TEAD1: variants seen among roughly 807,000 people sequenced by gnomAD.
TEAD1 encodes the protein TEA domain transcription factor 1.
TEAD1 carries 9 observed loss-of-function variants against 54.9 expected under a neutral mutation model. The observed-to-expected ratio is 0.16, with a 90% confidence interval of 0.10 to 0.29. The LOEUF is 0.29. Among genes scored for constraint, TEAD1 ranks in the 10% least tolerant of loss-of-function variants. The pLI, the probability that TEAD1 is intolerant of heterozygous loss-of-function variation, is 1.00. For missense variants in TEAD1, 387 were observed against 535.9 expected (o/e 0.72, Z 2.74); for synonymous variants, 200 against 187.8 (o/e 1.07, Z -0.53).
intron 3 of TEAD1, among the ~76,000 whole-genome samples, chr11:12,805,336 A>T (rs1276274477): frequency 6.6e-6 from 1 of 152,160 alleles, no homozygotes; most frequent in African/African-American, 2.4e-5. Flanking sequence ...GAGATGTTAG[A>T]ACATTTGTAA....
chr11:12,906,783 T>C (rs903791732), intron 10 of TEAD1, among the ~76,000 whole-genome samples: 1 of 152,158 alleles, frequency 6.6e-6, no homozygotes, highest in Admixed American at 6.5e-5. Flanking sequence ...AATCATTCAG[T>C]GTATTGTTTT....
intron 3 of TEAD1, among the ~76,000 whole-genome samples, chr11:12,818,104 G>T (rs1027676519): frequency 6.6e-6 from 1 of 152,200 alleles, no homozygotes; most frequent in Non-Finnish European, 1.5e-5. Context: ...CATATATGTG[G>T]GTGGTTGCAG....
rs183371839 is a variant in TEAD1, at chr11:12,911,414, T to A, written c.873+9301T>A. On this transcript the variant is annotated intron_variant, in intron 10 of 12. Transcript: ENST00000527636. ...GAACCAAACGTCCTGTTGCTATTCA[T>A]GGAAGAGGGAGTTAACAATACGAAA... Among the ~76,000 whole-genome samples the A allele has an allele frequency of 1.2e-3, 183 of 152,340 alleles. 3 individuals are homozygous for A. The highest frequency in any genetic ancestry group is 7.5e-3 in the Admixed American group (114 of 15,290).
At chr11:12,799,515 C>T (rs1946005563) in intron 3 of TEAD1, among the ~76,000 whole-genome samples, 1 of 152,122 alleles carries the variant, frequency 6.6e-6, no homozygotes, top group African/African-American at 2.4e-5. Context: ...TGTGTGTCAG[C>T]GTTTTTAACA....
intron 3 of TEAD1, among the ~76,000 whole-genome samples, chr11:12,835,202 A>G (rs983924890): frequency 1.3e-5 from 2 of 152,206 alleles, no homozygotes; most frequent in African/African-American, 4.8e-5. Context: ...CAGATCGGCC[A>G]CTGTGATAGA....
At chr11:12,844,652 AT>A (rs1590205474) in intron 3 of TEAD1, among the ~76,000 whole-genome samples, 2 of 151,906 alleles carry the variant, frequency 1.3e-5, no homozygotes, top group African/African-American at 4.8e-5. Flanking sequence ...CAACCCCAAT[AT>A]TTTTTTCAGG....
At chr11:12,697,720 G>A (rs1469806991) in intron 2 of TEAD1, among the ~76,000 whole-genome samples, 5 of 152,168 alleles carry the variant, frequency 3.3e-5, no homozygotes, top group African/African-American at 1.2e-4. Context: ...AGGGGGGTAT[G>A]TAGAAAGTTC....
At chr11:12,697,102 C>G (rs545857890) in intron 2 of TEAD1, among the ~76,000 whole-genome samples, 2 of 152,170 alleles carry the variant, frequency 1.3e-5, no homozygotes, top group East Asian at 3.9e-4. Flanking sequence ...TGGCTGAGCA[C>G]GGGGAAAGCA....
chr11:12,726,829 C>T (rs1214402942), intron 2 of TEAD1, among the ~76,000 whole-genome samples: 1 of 152,078 alleles, frequency 6.6e-6, no homozygotes, highest in Middle Eastern at 3.4e-3. Flanking sequence ...CAGAGTGAGA[C>T]TCTGTTTCAA....
chr11:12,742,516 C>A (rs1247620238), intron 2 of TEAD1, among the ~76,000 whole-genome samples: 7 of 152,096 alleles, frequency 4.6e-5, no homozygotes, highest in Non-Finnish European at 1.0e-4. Flanking sequence ...TGGTGCATAA[C>A]ATGGTGACTG....
intron 5 of TEAD1, 51 bp from the exon 6 acceptor site, chr11:12,879,657 C>T (rs1368402408): frequency 6.2e-7 from 1 of 1,613,498 alleles, no homozygotes. Flanking sequence ...TGTAACCTGC[C>T]TGGTAGCCAT....
At chr11:12,827,890 A>G (rs1182843703) in intron 3 of TEAD1, among the ~76,000 whole-genome samples, 3 of 152,204 alleles carry the variant, frequency 2.0e-5, no homozygotes, top group East Asian at 1.9e-4. Context: ...GGACAGCTCA[A>G]ATGGATGCTT....
intron 10 of TEAD1, among the ~76,000 whole-genome samples, chr11:12,903,473 A>C (rs1300424695): frequency 1.3e-5 from 2 of 152,246 alleles, no homozygotes; most frequent in Non-Finnish European, 1.5e-5. Flanking sequence ...CGTTTCTTTT[A>C]GCCTTCCATG....
chr11:12,781,990 GA>G (rs1185492210), intron 3 of TEAD1, among the ~76,000 whole-genome samples: 14 of 120,152 alleles, frequency 1.2e-4, no homozygotes, highest in South Asian at 4.9e-4. Flanking sequence ...AAAAGAAAAA[GA>G]AAAAAAAAAT....
intron 10 of TEAD1, among the ~76,000 whole-genome samples, chr11:12,910,653 T>A (rs1272758638): frequency 6.6e-6 from 1 of 152,152 alleles, no homozygotes; most frequent in East Asian, 1.9e-4. Flanking sequence ...TATGATGTTA[T>A]CCTATACTTA....
intron 2 of TEAD1, among the ~76,000 whole-genome samples, chr11:12,754,435 A>G (rs900755316): frequency 6.6e-6 from 1 of 152,164 alleles, no homozygotes; most frequent in Non-Finnish European, 1.5e-5. Flanking sequence ...GAAATGGGTA[A>G]AGGCAGACCA....
At chr11:12,769,882 A>C (rs1007845292) in intron 3 of TEAD1, among the ~76,000 whole-genome samples, 1 of 152,184 alleles carries the variant, frequency 6.6e-6, no homozygotes. Context: ...TTGCTGAATA[A>C]ATGCTTATGG....
intron 5 of TEAD1, among the ~76,000 whole-genome samples, chr11:12,871,273 C>T (rs188641113): frequency 6.6e-6 from 1 of 152,228 alleles, no homozygotes; most frequent in Admixed American, 6.5e-5. Context: ...TTCCATCTCA[C>T]CCTTTCCCTT....
At chr11:12,883,258 G>A (rs1396833832) in intron 9 of TEAD1, 133 bp downstream of exon 9, 1 of 1,393,304 alleles carries the variant, frequency 7.2e-7, no homozygotes, top group East Asian at 2.3e-5. Flanking sequence ...AACGGGCCTA[G>A]GAAAGAATAG....
Sources: gnomAD v4.1 joint callset for allele counts (sites outside exome capture counted in the v4.1 genomes callset) on GRCh38, gnomAD v4.1.1 for gene constraint, MANE v1.5 for transcripts, NCBI Gene and HGNC (gene_info 2026-07-23, HGNC 2026-07-21) for gene names.